Variants in RBFOX1 observed in about 807,000 individuals in gnomAD.
RBFOX1 encodes RNA binding fox-1 homolog 1.
A neutral mutation model predicts 57.7 loss-of-function variants in RBFOX1; 8 were observed. The observed-to-expected ratio is 0.14, with a 90% CI of 0.08 to 0.25. RBFOX1 has a LOEUF of 0.25. Among genes scored for constraint, RBFOX1 ranks in the 10% least tolerant of loss-of-function variants. RBFOX1 has a pLI of 1.00. For synonymous variants in RBFOX1, 326 were observed against 222.4 expected, an observed-to-expected ratio of 1.47 and a Z score of -4.15; for missense variants, 611 against 548.5, an observed-to-expected ratio of 1.11 and a Z score of -1.14.
chr16:5,442,105 C>T (rs1453732022), intron 1 of RBFOX1, among the ~76,000 whole-genome samples: 2 of 152,068 alleles, frequency 1.3e-5, no homozygotes, highest in African/African-American at 4.8e-5. Context: ...AGGGAATATA[C>T]AATAAGGTAG....
In RBFOX1 at chr16:6,624,446, T is replaced by G. The variant is rs1171947012; in HGVS notation, c.-63-30157T>G. Among the ~76,000 whole-genome samples, 4 of 152,150 alleles carry G rather than the reference T, an allele frequency of 2.6e-5. No individual in the cohort carries two copies. The East Asian group carries it at 7.7e-4, about 29-fold the overall frequency. On this transcript the variant is annotated intron_variant, in intron 2 of 15. Coordinates refer to ENST00000550418, the MANE Select transcript of RBFOX1 (RefSeq NM_018723.4). ...AAGGCTGAGAAATGAGTGGGGATGG[T>G]GAATCAACCACAGCCCTTCTGAATT...
intron 4 of RBFOX1, among the ~76,000 whole-genome samples, chr16:7,350,973 A>G (rs1254991251): frequency 6.6e-6 from 1 of 152,254 alleles, no homozygotes; most frequent in Non-Finnish European, 1.5e-5. Context: ...TGAGTGCTTT[A>G]TTAAGTCTGG....
chr16:7,068,537 G>A (rs978505296), intron 4 of RBFOX1, among the ~76,000 whole-genome samples: 1 of 152,160 alleles, frequency 6.6e-6, no homozygotes, highest in African/African-American at 2.4e-5. Context: ...AAGAAGCATT[G>A]TTAGAATGTC....
Position 7,000,590 on chromosome 16 carries a change from T to TTTTA in RBFOX1, c.-15-51466_-15-51465insTTAT, listed in dbSNP as rs1568307016. Among the ~76,000 whole-genome samples the TTTTA allele has an allele frequency of 1.6e-3, 143 of 88,454 alleles. 1 individual carries two copies. The highest frequency in any genetic ancestry group is 5.5e-3 in the African/African-American group (139 of 25,250). The allele number at this position is 88,454 out of a possible 152,430, so 58.0% of individuals were successfully genotyped here. A position where few individuals can be genotyped will look rare whatever the true frequency, so the allele number is the denominator to read the frequency against. ...TTTTCTTTTCTTTTTTTCTTTCTTT[T>TTTTA]TCTTTCTTTTTTTTTTTTTTTTTTT... On this transcript the variant is annotated intron_variant, in intron 3 of 15. Coordinates refer to ENST00000550418, the MANE Select transcript of RBFOX1 (RefSeq NM_018723.4).
chr16:6,529,554 C>G (rs2096627730), intron 2 of RBFOX1, among the ~76,000 whole-genome samples: 1 of 140,744 alleles, frequency 7.1e-6, no homozygotes, highest in African/African-American at 2.6e-5. Context: ...GACTCCATCT[C>G]AAATAATAAT....
At position 5,946,875 on chromosome 16, in the gene RBFOX1, G is replaced by A. The variant is rs1290770916; in HGVS notation, c.351+79540G>A. Among the ~76,000 whole-genome samples the A allele has an allele frequency of 6.6e-6, 1 of 152,162 alleles. No individual in the cohort carries two copies. Among genetic ancestry groups the A allele is most frequent in the African/African-American group, 2.4e-5 (1 of 41,420 alleles). On this transcript the variant is annotated intron_variant, in intron 4 of 19. Transcript: ENST00000641259. This position sits in a 1 kb window ranked among gnomAD's most constrained non-coding sequence, Gnocchi z 4.6. ...GTGTGAAATAAAACCCAACACATAT[G>A]AGTGTAGAGGTATGCTGCTTGAGTG...
intron 3 of RBFOX1, among the ~76,000 whole-genome samples, chr16:6,876,065 C>T (rs755363428): frequency 1.6e-4 from 24 of 151,724 alleles, no homozygotes; most frequent in Admixed American, 6.6e-4. Flanking sequence ...CCTAGCATCT[C>T]GGGGGGCTGA....
chr16:6,087,309 C>T (rs138541803), intron 1 of RBFOX1, among the ~76,000 whole-genome samples: 2 of 152,294 alleles, frequency 1.3e-5, no homozygotes, highest in Admixed American at 1.3e-4. Context: ...TTCGAGCACA[C>T]ATGTGCATGC....
At chr16:7,669,562 G>C (rs2070693716) in intron 13 of RBFOX1, among the ~76,000 whole-genome samples, 1 of 152,192 alleles carries the variant, frequency 6.6e-6, no homozygotes, top group Non-Finnish European at 1.5e-5. Context: ...GGGCCGCCTA[G>C]CAAATATGTC....
intron 4 of RBFOX1, among the ~76,000 whole-genome samples, chr16:7,185,923 T>A (rs1338296537): frequency 6.6e-6 from 1 of 152,170 alleles, no homozygotes; most frequent in African/African-American, 2.4e-5. Flanking sequence ...CACTGGTGAC[T>A]CACTTCCTGA....
intron 3 of RBFOX1, among the ~76,000 whole-genome samples, chr16:6,840,539 T>G (rs2093400448): frequency 6.6e-6 from 1 of 152,038 alleles, no homozygotes; most frequent in Admixed American, 6.6e-5. Context: ...ATGGGATCTT[T>G]GGGAGGTGAT....
chr16:5,999,724 G>A (rs553843619), intron 4 of RBFOX1, among the ~76,000 whole-genome samples: 1 of 151,970 alleles, frequency 6.6e-6, no homozygotes, highest in Admixed American at 6.5e-5. Context: ...AGCCGGGCTT[G>A]GTGGCGGGCG....
At chr16:5,430,507 G>A (rs114276197) in intron 1 of RBFOX1, among the ~76,000 whole-genome samples, 1 of 152,150 alleles carries the variant, frequency 6.6e-6, no homozygotes, top group East Asian at 1.9e-4. Context: ...GGTTGGGGAA[G>A]AGCACCCAGG....
At chr16:7,408,552 G>A (rs776650811) in intron 4 of RBFOX1, among the ~76,000 whole-genome samples, 2 of 152,186 alleles carry the variant, frequency 1.3e-5, no homozygotes, top group South Asian at 4.1e-4. Flanking sequence ...CGATTGTCCT[G>A]AGTATTGCGA....
chr16:6,508,625 T>C (rs1170199024), intron 2 of RBFOX1, among the ~76,000 whole-genome samples: 1 of 152,150 alleles, frequency 6.6e-6, no homozygotes, highest in Non-Finnish European at 1.5e-5. Flanking sequence ...TGTTTCTTCT[T>C]TACTTTTCTC....
chr16:5,899,942 G>A (rs1278400320), intron 4 of RBFOX1, among the ~76,000 whole-genome samples: 6 of 152,172 alleles, frequency 3.9e-5, no homozygotes, highest in Non-Finnish European at 8.8e-5. Context: ...GCATGGTGGT[G>A]CAGACCTGTC....
intron 2 of RBFOX1, among the ~76,000 whole-genome samples, chr16:6,481,767 G>A (rs944730387): frequency 3.3e-5 from 5 of 152,136 alleles, no homozygotes; most frequent in African/African-American, 4.8e-5. Flanking sequence ...GTGAAATAAG[G>A]TTTTACTTTA....
intron 1 of RBFOX1, among the ~76,000 whole-genome samples, chr16:6,304,967 C>A (rs1314146982): frequency 1.3e-5 from 2 of 149,488 alleles, no homozygotes; most frequent in Non-Finnish European, 3.0e-5. Flanking sequence ...TGACAACAAT[C>A]AACAGAACTA....
At chr16:7,132,801 C>A (rs546641320) in intron 4 of RBFOX1, among the ~76,000 whole-genome samples, 1 of 151,922 alleles carries the variant, frequency 6.6e-6, no homozygotes, top group South Asian at 2.1e-4. Context: ...AAACAGTGGG[C>A]TTATCAAAAT....
Sources: gnomAD v4.1 joint callset for allele counts (sites outside exome capture counted in the v4.1 genomes callset) on GRCh38, gnomAD v4.1.1 for gene constraint, Gnocchi (gnomAD v3.1) non-coding constraint, MANE v1.5 for transcripts, NCBI Gene and HGNC (gene_info 2026-07-23, HGNC 2026-07-21) for gene names.